Variants in HS3ST3A1 observed in about 807,000 individuals in gnomAD.
HS3ST3A1 encodes the protein heparan sulfate-glucosamine 3-sulfotransferase 3A1.
A neutral mutation model predicts 25.7 loss-of-function variants in HS3ST3A1; 19 were observed. The ratio of observed to expected loss-of-function variants is 0.74; its 90% CI spans 0.52 to 1.08. The LOEUF is 1.08. Ranked by LOEUF, HS3ST3A1 falls within the 50% of genes least tolerant of loss-of-function variation. HS3ST3A1 has a pLI of 0.00. For synonymous variants in HS3ST3A1, 226 were observed against 278.6 expected, an observed-to-expected ratio of 0.81 and a Z score of 1.88; for missense variants, 459 against 594.3, an observed-to-expected ratio of 0.77 and a Z score of 2.37.
intron 1 of HS3ST3A1, among the ~76,000 whole-genome samples, chr17:13,516,206 A>G (rs1402584881): frequency 6.6e-6 from 1 of 152,290 alleles, no homozygotes; most frequent in South Asian, 2.1e-4. Context: ...GCTACTCGGA[A>G]GGCTGAGGCA....
chr17:13,541,454 G>A (rs1263740771), intron 1 of HS3ST3A1, among the ~76,000 whole-genome samples: 1 of 151,898 alleles, frequency 6.6e-6, no homozygotes, highest in Non-Finnish European at 1.5e-5. Context: ...TGTCTCACTC[G>A]CTCTTGGTAC....
chr17:13,519,690 G>A (rs1313198515), intron 1 of HS3ST3A1, among the ~76,000 whole-genome samples: 1 of 152,054 alleles, frequency 6.6e-6, no homozygotes, highest in African/African-American at 2.4e-5. Flanking sequence ...TATTTTATAA[G>A]TAAGTGGATT....
intron 1 of HS3ST3A1, among the ~76,000 whole-genome samples, chr17:13,583,869 C>T (rs946072424): frequency 2.0e-5 from 3 of 152,148 alleles, no homozygotes; most frequent in African/African-American, 7.2e-5. Context: ...TTTTGTTTTG[C>T]CATGAGCAGT....
At chr17:13,507,069 C>CAAAAAAA (rs112172600) in intron 1 of HS3ST3A1, among the ~76,000 whole-genome samples, 1 of 92,092 alleles carries the variant, frequency 1.1e-5, no homozygotes. Context: ...ACTCCGTCTC[C>CAAAAAAA]AAAAAAAAAA....
intron 1 of HS3ST3A1, among the ~76,000 whole-genome samples, chr17:13,545,244 A>C (rs1409739605): frequency 1.3e-5 from 2 of 152,192 alleles, no homozygotes; most frequent in African/African-American, 2.4e-5. Flanking sequence ...GATATACCTA[A>C]ATAAAATTGA....
chr17:13,579,313 T>C (rs1908036897), intron 1 of HS3ST3A1, among the ~76,000 whole-genome samples: 2 of 152,258 alleles, frequency 1.3e-5, no homozygotes, highest in African/African-American at 4.8e-5. Context: ...AGAAATAACA[T>C]TACAAACAAA....
Position 13,600,694 on chromosome 17 carries a change from C to G in HS3ST3A1, c.436G>C (p.Asp146His), listed in dbSNP as rs747027495. ...TGCGGCAGCTGCTTGCTGCCTTCGT[C>G]CAGGAGCAGCGCCAGGGTCCCCGGC... ...APPGTLALLLDEGSKQLPQAI... is the reference protein window; with the variant it reads ...APPGTLALLLHEGSKQLPQAI... Residue 146 changes from aspartate to histidine, a missense_variant, in exon 1 of 2, where the codon GAC (aspartate) becomes CAC (histidine). Coordinates refer to ENST00000284110, the MANE Select transcript of HS3ST3A1 (RefSeq NM_006042.3). The G allele has an allele frequency of 1.9e-6, 3 of 1,576,202 alleles. No individual in the cohort carries two copies. In the Admixed American group the frequency reaches 5.3e-5, roughly 28 times the overall value.
In HS3ST3A1 at chr17:13,600,610, C is replaced by G. The variant is rs563386534; in HGVS notation, c.520G>C (p.Val174Leu). 4 of 1,599,376 alleles carry G rather than the reference C, an allele frequency of 2.5e-6. No individual in the cohort carries two copies. Among genetic ancestry groups the G allele is most frequent in the Admixed American group, 3.4e-5 (2 of 59,416 alleles). Residue 174 changes from valine to leucine, a missense_variant, in exon 1 of 2, where the codon GTG becomes CTG. Physicochemically the swap from Val to Leu is conservative, Grantham distance 32 (BLOSUM62 1). Around this residue, in one of 3 missense-constraint regions of HS3ST3A1, gnomAD observed 346 missense variants for 303.9 expected, o/e 1.14. Coordinates refer to ENST00000284110, the MANE Select transcript of HS3ST3A1 (RefSeq NM_006042.3). ...CCCACGGCGCGCACGTCGGGGTGCA[C>G]GCGCAGGAACTCCAGCAGCGCCCGC... ...GTRALLEFLR[V>L]HPDVRAVGAE...
At chr17:13,595,254 G>A (rs1346987577) in intron 1 of HS3ST3A1, among the ~76,000 whole-genome samples, 1 of 152,146 alleles carries the variant, frequency 6.6e-6, no homozygotes, top group East Asian at 1.9e-4. Context: ...GCAAGAAACT[G>A]GGGAAAGGCT....
chr17:13,510,302 C>T (rs1286086538), intron 1 of HS3ST3A1, among the ~76,000 whole-genome samples: 3 of 152,170 alleles, frequency 2.0e-5, no homozygotes, highest in Non-Finnish European at 4.4e-5. Flanking sequence ...GAGCTCTCAT[C>T]AGCCAGGAAT....
chr17:13,576,093 G>T (rs569147958), intron 1 of HS3ST3A1, among the ~76,000 whole-genome samples: 1 of 152,326 alleles, frequency 6.6e-6, no homozygotes, highest in South Asian at 2.1e-4. Context: ...ATGCAACTTA[G>T]GTTAAGCACT....
intron 1 of HS3ST3A1, among the ~76,000 whole-genome samples, chr17:13,583,795 G>C (rs1489162465): frequency 6.6e-6 from 1 of 152,162 alleles, no homozygotes; most frequent in African/African-American, 2.4e-5. Flanking sequence ...ATGAGTTGGA[G>C]AGAAATATTC....
intron 1 of HS3ST3A1, among the ~76,000 whole-genome samples, chr17:13,574,881 G>T (rs1338965724): frequency 6.6e-6 from 1 of 152,022 alleles, no homozygotes; most frequent in South Asian, 2.1e-4. Flanking sequence ...CTTGCAAGGG[G>T]GGTCTGCTTT....
At chr17:13,565,349 T>C (rs1907650992) in intron 1 of HS3ST3A1, among the ~76,000 whole-genome samples, 1 of 151,976 alleles carries the variant, frequency 6.6e-6, no homozygotes, top group South Asian at 2.1e-4. Flanking sequence ...TTGGGCAACA[T>C]AGTGAATCCC....
At chr17:13,565,202 C>G (rs1907647308) in intron 1 of HS3ST3A1, among the ~76,000 whole-genome samples, 1 of 151,914 alleles carries the variant, frequency 6.6e-6, no homozygotes, top group Admixed American at 6.6e-5. Flanking sequence ...TTAAGAAAAC[C>G]TCAAATTACT....
At chr17:13,507,641 G>C (rs1905727328) in intron 1 of HS3ST3A1, among the ~76,000 whole-genome samples, 1 of 152,180 alleles carries the variant, frequency 6.6e-6, no homozygotes, top group South Asian at 2.1e-4. Context: ...AGAACATCCT[G>C]CAAAGGGAAG....
At chr17:13,575,351 T>A (rs1907924948) in intron 1 of HS3ST3A1, among the ~76,000 whole-genome samples, 1 of 152,206 alleles carries the variant, frequency 6.6e-6, no homozygotes, top group Non-Finnish European at 1.5e-5. Flanking sequence ...TTTGATTTCA[T>A]AATTTGCCAA....
At chr17:13,566,988 A>G (rs1005619380) in intron 1 of HS3ST3A1, among the ~76,000 whole-genome samples, 2 of 152,254 alleles carry the variant, frequency 1.3e-5, no homozygotes, top group Admixed American at 1.3e-4. Context: ...CATGTAGACA[A>G]CGTGGAAGAT....
intron 1 of HS3ST3A1, among the ~76,000 whole-genome samples, chr17:13,575,374 T>C (rs1233646409): frequency 1.3e-5 from 2 of 152,314 alleles, no homozygotes; most frequent in South Asian, 2.1e-4. Context: ...TCATAAGACA[T>C]TGCAAATGAA....
Sources: gnomAD v4.1 joint callset for allele counts (sites outside exome capture counted in the v4.1 genomes callset) on GRCh38, gnomAD v4.1.1 for gene constraint, gnomAD v4.1.1 regional missense constraint, MANE v1.5 for transcripts, NCBI Gene and HGNC (gene_info 2026-07-23, HGNC 2026-07-21) for gene names.